Variants in SLC14A2 observed in about 807,000 individuals in gnomAD.
SLC14A2 encodes the protein urea transporter 2.
A neutral mutation model predicts 104.6 loss-of-function variants in SLC14A2; 91 were observed. That is an observed-to-expected ratio of 0.87 (90% CI 0.73 to 1.04). The LOEUF is 1.04. SLC14A2 is among the 50% of genes least tolerant of loss of function. The pLI, the probability that SLC14A2 is intolerant of heterozygous loss-of-function variation, is 0.00. For synonymous variants in SLC14A2, 476 were observed against 466.4 expected, an observed-to-expected ratio of 1.02 and a Z score of -0.27; for missense variants, 1,189 against 1,156.0, an observed-to-expected ratio of 1.03 and a Z score of -0.41.
intron 1 of SLC14A2, among the ~76,000 whole-genome samples, chr18:45,393,465 A>G (rs1221449371): frequency 6.6e-6 from 1 of 152,246 alleles, no homozygotes; most frequent in African/African-American, 2.4e-5. Context: ...CTTCAATAGG[A>G]TAACATGTTC....
chr18:45,584,535 C>T (rs369276299), intron 2 of SLC14A2, among the ~76,000 whole-genome samples: 13 of 152,146 alleles, frequency 8.5e-5, no homozygotes, highest in Admixed American at 5.2e-4. Context: ...CATCACAGAA[C>T]GAGGTTTGAT....
chr18:45,515,399 C>A (rs569530914), intron 2 of SLC14A2: 78 of 152,296 alleles, frequency 5.1e-4, no homozygotes, highest in African/African-American at 1.7e-3. Context: ...TGGCCTTGGG[C>A]AGGTCTTTTA....
At chr18:45,565,326 G>T (rs1599010960) in intron 2 of SLC14A2, among the ~76,000 whole-genome samples, 1 of 152,020 alleles carries the variant, frequency 6.6e-6, no homozygotes, top group Non-Finnish European at 1.5e-5. Context: ...GGGTTTCACT[G>T]CGTTAGCCAG....
At chr18:45,206,120 T>G in the SLC14A2 span, among the ~76,000 whole-genome samples, 1 of 152,238 alleles carries the variant, frequency 6.6e-6, no homozygotes, top group Non-Finnish European at 1.5e-5. Context: ...AAAACAGAGT[T>G]GATCTTTACA....
intron 14 of SLC14A2, among the ~76,000 whole-genome samples, 163 bp from the exon 15 acceptor site, chr18:45,668,186 T>C (rs1232393347): frequency 6.6e-6 from 1 of 152,168 alleles, no homozygotes; most frequent in Non-Finnish European, 1.5e-5. Flanking sequence ...TCTAGAGAAA[T>C]ATGAAGGATT....
chr18:45,424,576 A>G (rs917686995), intron 1 of SLC14A2, among the ~76,000 whole-genome samples: 1 of 152,262 alleles, frequency 6.6e-6, no homozygotes, highest in Non-Finnish European at 1.5e-5. Context: ...AGGCATGAGT[A>G]GGTGGACACC....
At chr18:45,657,503 AGAAAG>A (rs2045858753) in intron 10 of SLC14A2, among the ~76,000 whole-genome samples, 1 of 137,644 alleles carries the variant, frequency 7.3e-6, no homozygotes, top group Admixed American at 7.6e-5. Context: ...AAAAAAAAAA[AGAAAG>A]GAAAGAAAGA....
chr18:45,628,572 G>C (rs779353553), intron 4 of SLC14A2, among the ~76,000 whole-genome samples: 17 of 152,146 alleles, frequency 1.1e-4, no homozygotes, highest in Non-Finnish European at 2.2e-4. Flanking sequence ...AGATGCTTCT[G>C]ATGGTCAGAG....
chr18:45,616,509 G>A (rs1005762386), intron 1 of SLC14A2, among the ~76,000 whole-genome samples: 18 of 152,158 alleles, frequency 1.2e-4, no homozygotes, highest in Non-Finnish European at 2.6e-4. Flanking sequence ...GAAGGTTTTT[G>A]AGCAGTGGCA....
chr18:45,669,409 G>A lies in SLC14A2; in HGVS notation c.2140G>A (p.Gly714Ser). Residue 714 changes from glycine (G) to serine (S), a missense_variant, in exon 16 of 20, where the codon GGC (glycine) becomes AGC (serine). Physicochemically the swap from Gly to Ser is moderately conservative, Grantham distance 56 (BLOSUM62 0). Coordinates refer to ENST00000255226, the MANE Select transcript of SLC14A2 (RefSeq NM_007163.4). ...ITVTLYLAATGHYNLFFPTTL... is the reference protein window; with the variant it reads ...ITVTLYLAATSHYNLFFPTTL... ...TGTGACTTTGTACCTGGCAGCCACGGGCCACTACAACCTTTTCTTCCCCAC... is the reference window on the plus strand; with the variant it reads ...TGTGACTTTGTACCTGGCAGCCACGAGCCACTACAACCTTTTCTTCCCCAC... The A allele has an allele frequency of 6.2e-7, 1 of 1,613,696 alleles. No homozygotes were observed. The highest frequency in any genetic ancestry group is 1.1e-5 in the South Asian group (1 of 91,068).
the SLC14A2 span, among the ~76,000 whole-genome samples, chr18:45,205,777 A>T: frequency 1.3e-5 from 2 of 152,250 alleles, no homozygotes. Context: ...GGACCTATCC[A>T]GGAATCCATT....
chr18:45,290,574 C>T (rs959487703), intron 1 of SLC14A2, among the ~76,000 whole-genome samples: 1 of 152,154 alleles, frequency 6.6e-6, no homozygotes, highest in African/African-American at 2.4e-5. Context: ...ACAGTAGGTA[C>T]CAGCCCCATG....
chr18:45,178,894 T>C, the SLC14A2 span, among the ~76,000 whole-genome samples: 95 of 152,300 alleles, frequency 6.2e-4, 1 homozygote, highest in African/African-American at 2.3e-3. Context: ...GAAGAAAACA[T>C]CTGATCATGT....
intron 2 of SLC14A2, among the ~76,000 whole-genome samples, chr18:45,501,552 G>T (rs144613401): frequency 2.6e-5 from 4 of 152,332 alleles, no homozygotes; most frequent in Admixed American, 6.5e-5. Context: ...CATTGTCTCT[G>T]TTGAACAGGG....
intron 1 of SLC14A2, among the ~76,000 whole-genome samples, chr18:45,389,322 G>A (rs2085935150): frequency 6.6e-6 from 1 of 152,128 alleles, no homozygotes; most frequent in Admixed American, 6.5e-5. Flanking sequence ...TCATAAATAT[G>A]GACTACAGAA....
At chr18:45,389,949 C>G (rs559109755) in intron 1 of SLC14A2, among the ~76,000 whole-genome samples, 1 of 152,194 alleles carries the variant, frequency 6.6e-6, no homozygotes, top group African/African-American at 2.4e-5. Context: ...GTACCTTCCT[C>G]CTTCCTCTCA....
intron 2 of SLC14A2, among the ~76,000 whole-genome samples, chr18:45,563,917 T>C (rs1599009398): frequency 1.3e-5 from 2 of 152,250 alleles, no homozygotes; most frequent in South Asian, 4.1e-4. Context: ...CTTTCACATA[T>C]GAGCTATGAG....
chr18:45,392,318 T>C (rs2085979260), intron 1 of SLC14A2, among the ~76,000 whole-genome samples: 1 of 152,172 alleles, frequency 6.6e-6, no homozygotes, highest in Non-Finnish European at 1.5e-5. Flanking sequence ...TTGTTTGATC[T>C]ATGTGAGTTT....
At chr18:45,175,417 A>T in the SLC14A2 span, among the ~76,000 whole-genome samples, 13 of 82,432 alleles carry the variant, frequency 1.6e-4, no homozygotes, top group Non-Finnish European at 3.9e-4. Context: ...GAAAACGTTT[A>T]AAAAAAAATC....
Sources: allele counts gnomAD v4.1 joint callset (sites outside exome capture counted in the v4.1 genomes callset), GRCh38; gene constraint gnomAD v4.1.1; transcripts MANE v1.5; gene names NCBI Gene and HGNC (gene_info 2026-07-23, HGNC 2026-07-21).